SPA17: variants seen among roughly 807,000 people sequenced by gnomAD.
SPA17 encodes sperm autoantigenic protein 17, also known as sperm surface protein Sp17.
A neutral mutation model predicts 13.8 loss-of-function variants in SPA17; 7 were observed. The observed-to-expected ratio is 0.51, with a 90% CI of 0.29 to 0.95. The LOEUF (loss-of-function observed/expected upper bound fraction) is 0.95. SPA17 is among the 40% of genes least tolerant of loss of function. The pLI is 0.08. For synonymous variants in SPA17, 61 were observed against 59.0 expected (o/e 1.03, Z -0.16); for missense variants, 170 against 179.3 (o/e 0.95, Z 0.30).
intron 3 of SPA17, among the ~76,000 whole-genome samples, chr11:124,689,648 G>A (rs1472916778): frequency 6.6e-6 from 1 of 151,902 alleles, no homozygotes; most frequent in African/African-American, 2.4e-5. Flanking sequence ...GTGGTGGTGT[G>A]CACCTGTAGT....
rs1215787021 is a variant in SPA17, at chr11:124,695,050, T to G, written c.*604T>G. ...TGAACCTGGGAAGTGGAGGCTGCAG[T>G]AAGCCGAGATCGCACCACTGCACTC... On this transcript the variant is annotated 3_prime_UTR_variant, in exon 5 of 5. Transcript: ENST00000227135. The G allele has an allele frequency of 1.3e-5, 2 of 152,430 alleles. No individual in the cohort carries two copies. Among genetic ancestry groups the G allele is most frequent in the Non-Finnish European group, 2.9e-5 (2 of 68,332 alleles). The allele number at this position is 152,430 out of a possible 1,614,324, so 9.4% of individuals were successfully genotyped here. A position where few individuals can be genotyped will look rare whatever the true frequency, so the allele number is the denominator to read the frequency against.
rs1943681715 is a variant in SPA17, at chr11:124,697,252, T to C, written c.*2806T>C. On this transcript the variant is annotated 3_prime_UTR_variant, in exon 5 of 5. Coordinates refer to ENST00000227135, the MANE Select transcript of SPA17 (RefSeq NM_017425.4). ...ACAATTATATTTTCTCCTGGGTCTG[T>C]AGGTCAGTGGTAATGTAGCTAAGCT... The C allele has an allele frequency of 6.6e-6, 1 of 152,216 alleles. No homozygotes were observed. 9.4% of individuals were successfully genotyped at this position (152,216 alleles called of 1,614,324 possible). A position where few individuals can be genotyped will look rare whatever the true frequency, so the allele number is the denominator to read the frequency against.
chr11:124,675,534 T>C, intron 2 of SPA17, 116 bp downstream of exon 2: 2 of 1,105,080 alleles, frequency 1.8e-6, no homozygotes, highest in South Asian at 3.3e-5. Flanking sequence ...GCAGGGAGTT[T>C]CAGATAACAG....
At chr11:124,674,057 G>A in intron 1 of SPA17, 105 bp downstream of exon 1, 1 of 278,202 alleles carries the variant, frequency 3.6e-6, no homozygotes. Flanking sequence ...GCCCTGGGCC[G>A]TTTGGGAGCC....
At chr11:124,691,822 G>A (rs746245027) in intron 4 of SPA17, 40 bp downstream of exon 4, 2 of 1,356,776 alleles carry the variant, frequency 1.5e-6, no homozygotes, top group South Asian at 2.5e-5. Flanking sequence ...TTCCTACAAA[G>A]AATGATATTG....
chr11:124,694,547 G>A lies in SPA17; in HGVS notation c.*101G>A. Reference sequence around the variant, plus strand: ...CTGAGGAAGGAAGATTTGATGTTGTGAAATAACATTCGTTACTGTTGTGAA... The same window carrying A: ...CTGAGGAAGGAAGATTTGATGTTGTAAAATAACATTCGTTACTGTTGTGAA... On this transcript the variant is annotated 3_prime_UTR_variant, in exon 5 of 5. Transcript: ENST00000227135. 1 of 1,425,860 alleles carries A rather than the reference G, an allele frequency of 7.0e-7. No individual in the cohort carries two copies. 88.3% of individuals were successfully genotyped at this position (1,425,860 alleles called of 1,614,324 possible).
intron 3 of SPA17, among the ~76,000 whole-genome samples, chr11:124,685,826 T>C (rs1424881980): frequency 6.6e-6 from 1 of 152,190 alleles, no homozygotes; most frequent in African/African-American, 2.4e-5. Context: ...GTAGCACCTT[T>C]GTTTTGGCCA....
chr11:124,686,492 CT>C (rs1565425483), intron 3 of SPA17, among the ~76,000 whole-genome samples: 1 of 152,194 alleles, frequency 6.6e-6, no homozygotes, highest in Non-Finnish European at 1.5e-5. Context: ...AATATATATT[CT>C]TTTCATCAGC....
chr11:124,680,836 A>G (rs1393807772), intron 2 of SPA17, among the ~76,000 whole-genome samples: 1 of 152,176 alleles, frequency 6.6e-6, no homozygotes, highest in Non-Finnish European at 1.5e-5. Context: ...CATTGAATCT[A>G]GACAGTATGC....
At chr11:124,679,268 C>T (rs1216323680) in intron 2 of SPA17, among the ~76,000 whole-genome samples, 5 of 151,142 alleles carry the variant, frequency 3.3e-5, no homozygotes, top group South Asian at 2.1e-4. Context: ...GTAATTTGAC[C>T]GTACATGCCT....
rs1416508662 is a variant in SPA17, at chr11:124,694,416, T to C, written c.426T>C (p.Leu142=). The C allele has an allele frequency of 6.2e-7, 1 of 1,612,550 alleles. No homozygotes were observed. The highest frequency in any genetic ancestry group is 8.5e-7 in the Non-Finnish European group (1 of 1,179,568). ...CAAAGAAAATGAAAACAAATAGTCT[T>C]CAAAATGAGGAAAAAGAGGAAAACA... ...EEAKKMKTNS[L]QNEEKEENK Residue 142 remains leucine, a synonymous_variant, in exon 5 of 5, where the codon CTT becomes CTC. Coordinates refer to ENST00000227135, the MANE Select transcript of SPA17 (RefSeq NM_017425.4).
In SPA17 at chr11:124,675,305, A is replaced by G. The variant is rs753028777; in HGVS notation, c.41A>G (p.Gln14Arg). 10 of 1,614,176 alleles carry G rather than the reference A, an allele frequency of 6.2e-6. No homozygotes were observed. The highest frequency in any genetic ancestry group is 8.5e-6 in the Non-Finnish European group (10 of 1,180,026). The change falls in exon 2 of 5, where the codon CAA (glutamine) becomes CGA (arginine). Residue 14 changes from glutamine to arginine, a missense_variant. By Grantham distance (43) the Gln-to-Arg change is conservative. Coordinates refer to ENST00000227135, the MANE Select transcript of SPA17 (RefSeq NM_017425.4). ...TCCAACACCCACTACCGAATTCCACAAGGATTTGGGAATCTTCTTGAAGGG... is the reference window on the plus strand; with the variant it reads ...TCCAACACCCACTACCGAATTCCACGAGGATTTGGGAATCTTCTTGAAGGG... ...PFSNTHYRIP[Q>R]GFGNLLEGLT...
intron 3 of SPA17, 91 bp downstream of exon 3, chr11:124,681,550 A>G: frequency 1.3e-6 from 1 of 779,150 alleles, no homozygotes; most frequent in Non-Finnish European, 1.9e-6. Context: ...TGTGAGAATT[A>G]TGTGAGGAGG....
intron 3 of SPA17, among the ~76,000 whole-genome samples, chr11:124,685,692 G>T (rs1943572014): frequency 6.6e-6 from 1 of 152,210 alleles, no homozygotes; most frequent in African/African-American, 2.4e-5. Flanking sequence ...AGCTTCCCAA[G>T]GCCATGGGAT....
In SPA17 at chr11:124,675,244, T is replaced by C. The variant is rs745392327; in HGVS notation, c.-21T>C. 5.0e-6 allele frequency: 8 copies of C among 1,607,246 alleles called. No homozygotes were observed. Among genetic ancestry groups the C allele is most frequent in the Non-Finnish European group, 6.8e-6 (8 of 1,178,040 alleles). On this transcript the variant is annotated 5_prime_UTR_variant, in exon 2 of 5. Transcript: ENST00000227135. Reference sequence around the variant, plus strand: ...CTCTTTAATGAATCTTTAGGTTCCATAGGCAGTTCTTACCAAGAAGATGTC... The same window carrying C: ...CTCTTTAATGAATCTTTAGGTTCCACAGGCAGTTCTTACCAAGAAGATGTC...
chr11:124,680,574 A>C (rs1943518509), intron 2 of SPA17, among the ~76,000 whole-genome samples: 2 of 152,220 alleles, frequency 1.3e-5, no homozygotes, highest in Non-Finnish European at 2.9e-5. Context: ...AAATAAATAG[A>C]CAATGGAAGA....
At chr11:124,685,219 A>G (rs1943566797) in intron 3 of SPA17, among the ~76,000 whole-genome samples, 1 of 152,264 alleles carries the variant, frequency 6.6e-6, no homozygotes, top group Admixed American at 6.5e-5. Flanking sequence ...GCCTCGGGAC[A>G]TGGTGACCTG....
intron 3 of SPA17, among the ~76,000 whole-genome samples, chr11:124,683,071 GGAT>G (rs1943543657): frequency 6.6e-6 from 1 of 151,756 alleles, no homozygotes; most frequent in African/African-American, 2.4e-5. Context: ...GGAGAGAGTG[GGAT>G]GATAATTCAA....
intron 2 of SPA17, among the ~76,000 whole-genome samples, chr11:124,678,516 CTGTGTGTGTG>C (rs60663679): frequency 8.4e-5 from 12 of 143,364 alleles, no homozygotes; most frequent in South Asian, 2.2e-4. Context: ...GAATACATAA[CTGTGTGTGTG>C]TGTGTGTGTG....
Sources: allele counts gnomAD v4.1 joint callset (sites outside exome capture counted in the v4.1 genomes callset), GRCh38; gene constraint gnomAD v4.1.1; transcripts MANE v1.5; gene names NCBI Gene and HGNC (gene_info 2026-07-23, HGNC 2026-07-21).